The following PCDHA8 variants were observed in gnomAD, a reference collection of about 807,000 sequenced individuals.
PCDHA8 encodes the protein protocadherin alpha 8.
A neutral mutation model predicts 61.8 loss-of-function variants in PCDHA8; 53 were observed. The ratio of observed to expected loss-of-function variants is 0.86; its 90% CI spans 0.69 to 1.08. The LOEUF is 1.08. PCDHA8 is among the 50% of genes least tolerant of loss of function. PCDHA8 has a pLI of 0.00. For missense variants in PCDHA8, 1,293 were observed against 1,245.0 expected, an observed-to-expected ratio of 1.04 and a Z score of -0.58; for synonymous variants, 618 against 556.6, an observed-to-expected ratio of 1.11 and a Z score of -1.55.
At chr5:140,877,093 G>C in intron 1 of PCDHA8, 1 of 1,613,296 alleles carries the variant, frequency 6.2e-7, no homozygotes, top group Non-Finnish European at 8.5e-7. Context: ...GCGCGACGCC[G>C]GCGTGCCGCC....
intron 1 of PCDHA8, among the ~76,000 whole-genome samples, chr5:140,941,906 GC>G: frequency 6.6e-6 from 1 of 152,248 alleles, no homozygotes; most frequent in South Asian, 2.1e-4. Context: ...ACATTGAAAT[GC>G]TTTTATGTAT....
intron 3 of PCDHA8, among the ~76,000 whole-genome samples, chr5:140,985,476 T>C (rs1554247100): frequency 6.6e-6 from 1 of 152,162 alleles, no homozygotes; most frequent in Admixed American, 6.6e-5. Flanking sequence ...ATTTGGTTGT[T>C]TCCAGACTCA....
At chr5:140,964,802 GA>G (rs1187447949) in intron 1 of PCDHA8, among the ~76,000 whole-genome samples, 2 of 151,946 alleles carry the variant, frequency 1.3e-5, no homozygotes, top group African/African-American at 4.8e-5. Context: ...CCCAAGAAAG[GA>G]GACAGGAATA....
chr5:140,913,489 G>C (rs1428566821), intron 1 of PCDHA8, among the ~76,000 whole-genome samples: 1 of 151,754 alleles, frequency 6.6e-6, no homozygotes, highest in Non-Finnish European at 1.5e-5. Context: ...TTCTTCATTA[G>C]TCTGTTTAAA....
At chr5:140,967,921 C>A (rs781932025) in intron 1 of PCDHA8, 3 of 1,614,172 alleles carry the variant, frequency 1.9e-6, no homozygotes, top group Middle Eastern at 3.3e-4. Context: ...CCATTGTGGC[C>A]GTTCTCAGTG....
chr5:140,848,641 C>T, intron 1 of PCDHA8: 1 of 1,593,240 alleles, frequency 6.3e-7, no homozygotes, highest in South Asian at 1.1e-5. Flanking sequence ...GGCCGCATCG[C>T]GCAGGACCTG....
At chr5:140,955,157 T>A (rs1554221797) in intron 1 of PCDHA8, among the ~76,000 whole-genome samples, 1 of 152,198 alleles carries the variant, frequency 6.6e-6, no homozygotes, top group Non-Finnish European at 1.5e-5. Context: ...ACCAGTACCG[T>A]GCTGTTTTGG....
intron 1 of PCDHA8, among the ~76,000 whole-genome samples, chr5:140,899,689 C>A (rs1033793263): frequency 4.6e-5 from 7 of 152,254 alleles, no homozygotes; most frequent in Admixed American, 4.6e-4. Flanking sequence ...ATGATGCTGG[C>A]CTCATAAAAT....
chr5:140,948,709 CT>C (rs144736017), intron 1 of PCDHA8, among the ~76,000 whole-genome samples: 2,043 of 151,408 alleles, frequency 0.013, 38 homozygotes, highest in African/African-American at 0.047. Context: ...GTGTTCTATC[CT>C]CTTTTTTATC....
intron 1 of PCDHA8, among the ~76,000 whole-genome samples, chr5:140,925,484 T>C (rs1178019565): frequency 6.6e-6 from 1 of 152,066 alleles, no homozygotes; most frequent in Admixed American, 6.6e-5. Flanking sequence ...CTCATAGAAC[T>C]GATCACTGTC....
rs114173550 is a variant in PCDHA8, at chr5:140,996,928, G to T, written c.2543-12699G>T. Among the ~76,000 whole-genome samples the T allele has an allele frequency of 1.8e-3, 279 of 152,148 alleles. 1 individual carries two copies. Among genetic ancestry groups the T allele is most frequent in the Non-Finnish European group, 3.0e-3 (203 of 67,996 alleles). ...GTTGAAGTAAATATTAAAAAATATA[G>T]CATTTTTGCATAGAAATATTTATTT... On this transcript the variant is annotated intron_variant, in intron 3 of 3. Coordinates refer to ENST00000531613, the MANE Select transcript of PCDHA8 (RefSeq NM_018911.3).
At chr5:140,957,674 T>C (rs2095374808) in intron 1 of PCDHA8, among the ~76,000 whole-genome samples, 1 of 152,084 alleles carries the variant, frequency 6.6e-6, no homozygotes, top group African/African-American at 2.4e-5. Flanking sequence ...AAATTAATTA[T>C]GAAATATCTA....
chr5:140,979,175 AAT>A, intron 2 of PCDHA8, 168 bp downstream of exon 2: 3 of 951,630 alleles, frequency 3.2e-6, no homozygotes, highest in Non-Finnish European at 3.8e-6. Flanking sequence ...AAAGATCGCA[AAT>A]GGTCAGTGCC....
chr5:140,883,091 G>A lies in PCDHA8; in HGVS notation c.2394+39376G>A, dbSNP rs782433695. The A allele has an allele frequency of 1.9e-6, 3 of 1,613,994 alleles. No individual in the cohort carries two copies. In the African/African-American group the frequency reaches 4.0e-5, roughly 22 times the overall value. ...CACAGATCCTGATGATGGTACAAAT[G>A]GAGATATAGTTTACTCATTTAGAAG... On this transcript the variant is annotated intron_variant, in intron 1 of 3. Coordinates refer to ENST00000531613, the MANE Select transcript of PCDHA8 (RefSeq NM_018911.3).
intron 1 of PCDHA8, among the ~76,000 whole-genome samples, chr5:140,845,743 T>C (rs2150214472): frequency 6.7e-6 from 1 of 149,754 alleles, no homozygotes; most frequent in East Asian, 1.9e-4. Flanking sequence ...ACTTTATAGA[T>C]TTATTTGTAT....
At chr5:140,898,705 A>G (rs1351081569) in intron 1 of PCDHA8, among the ~76,000 whole-genome samples, 2 of 152,142 alleles carry the variant, frequency 1.3e-5, no homozygotes, top group African/African-American at 4.8e-5. Flanking sequence ...ACTTTAAAGT[A>G]GTTTTTTCCA....
At chr5:140,926,923 T>G in intron 1 of PCDHA8, 1 of 1,571,554 alleles carries the variant, frequency 6.4e-7, no homozygotes. Flanking sequence ...AGTTTTATGT[T>G]TGTGGGTTTC....
In PCDHA8 at chr5:140,964,303, C is replaced by T. The variant is rs947126454; in HGVS notation, c.2395-14646C>T. Among the ~76,000 whole-genome samples the T allele has an allele frequency of 9.2e-5, 14 of 152,208 alleles. 1 individual carries two copies. Among genetic ancestry groups the T allele is most frequent in the Non-Finnish European group, 2.9e-5 (2 of 68,038 alleles). On this transcript the variant is annotated intron_variant, in intron 1 of 3. Coordinates refer to ENST00000531613, the MANE Select transcript of PCDHA8 (RefSeq NM_018911.3). ...AATTCTAGCTGGAGCTAAATACCTA[C>T]AAGGCCTAAAACAGCATAATGGACA... is the stretch of plus-strand genomic sequence containing the variant.
chr5:140,978,778 T>C, intron 1 of PCDHA8, 171 bp from the exon 2 acceptor site: 1 of 968,888 alleles, frequency 1.0e-6, no homozygotes, highest in Non-Finnish European at 1.2e-6. Context: ...CTAATTTTCT[T>C]CTAAAGTGCT....
Sources: gnomAD v4.1 joint callset for allele counts (sites outside exome capture counted in the v4.1 genomes callset) on GRCh38, gnomAD v4.1.1 for gene constraint, MANE v1.5 for transcripts, NCBI Gene and HGNC (gene_info 2026-07-23, HGNC 2026-07-21) for gene names.